The following ITPR1 variants were observed in gnomAD, a reference collection of about 807,000 sequenced individuals.
ITPR1 encodes inositol 1,4,5-trisphosphate receptor type 1, also known as inositol 1,4,5-trisphosphate-gated calcium channel ITPR1.
ITPR1 carries 96 observed loss-of-function variants against 318.4 expected under a neutral mutation model. That is an observed-to-expected ratio of 0.30 (90% CI 0.26 to 0.36). The LOEUF is 0.36. ITPR1 is among the 10% of genes least tolerant of loss of function. The probability of loss-of-function intolerance (pLI) is 1.00; values close to 1 mark genes in which losing one functional copy is unlikely to be tolerated. For missense variants in ITPR1, 2,440 were observed against 3,460.2 expected (o/e 0.71, Z 7.40); for synonymous variants, 1,312 against 1,289.9 (o/e 1.02, Z -0.37).
At chr3:4,520,873 A>T (rs1003908295) in intron 3 of ITPR1, 151 bp from the exon 4 acceptor site, 1 of 664,028 alleles carries the variant, frequency 1.5e-6, no homozygotes, top group African/African-American at 1.8e-5. Context: ...AGATCCATGC[A>T]TAGGAAGCCT....
rs145491425 is a variant in ITPR1, at chr3:4,695,639, C to A, written c.4282-1508C>A. Among the ~76,000 whole-genome samples, 7 of 152,280 alleles carry A rather than the reference C, an allele frequency of 4.6e-5. No homozygotes were observed. In the East Asian group the frequency reaches 1.4e-3, roughly 29 times the overall value. On this transcript the variant is annotated intron_variant, in intron 33 of 61. Transcript: ENST00000649015. ...TTGCTTTTCTGTATACATCCCTCAACAATATAGTTTAGTTTTGTGAGGTTT... is the reference window on the plus strand; with the variant it reads ...TTGCTTTTCTGTATACATCCCTCAAAAATATAGTTTAGTTTTGTGAGGTTT...
chr3:4,523,667 T>A (rs533187402), intron 4 of ITPR1, among the ~76,000 whole-genome samples: 2 of 152,318 alleles, frequency 1.3e-5, no homozygotes, highest in African/African-American at 4.8e-5. Context: ...AGCAAGATCA[T>A]GTGGTATTCG....
At chr3:4,733,036 T>C (rs1405994331) in intron 42 of ITPR1, 52 bp from the exon 43 acceptor site, 2 of 1,575,934 alleles carry the variant, frequency 1.3e-6, no homozygotes, top group East Asian at 2.3e-5. Flanking sequence ...TATTCGTCCC[T>C]CGGTGATGCA....
rs118066303 is a variant in ITPR1, at chr3:4,508,171, C to A, written c.-16-8305C>A. The stretch of plus-strand genomic sequence containing the variant: ...CTGTCAGTGGGACTACCCTGCCACC[C>A]GATTACTGAAAGTCAGACTGTTCAG... On this transcript the variant is annotated intron_variant, in intron 2 of 61. Transcript: ENST00000649015. Among the ~76,000 whole-genome samples, 271 of 152,204 alleles carry A rather than the reference C, an allele frequency of 1.8e-3. 4 individuals carry two copies. In the East Asian group the frequency reaches 0.044, roughly 25 times the overall value.
Position 4,653,904 on chromosome 3 carries a change from C to A in ITPR1, c.996+18C>A, listed in dbSNP as rs1231670991. 1.9e-6 allele frequency: 3 copies of A among 1,579,342 alleles called. No homozygotes were observed. Among genetic ancestry groups the A allele is most frequent in the Non-Finnish European group, 2.6e-6 (3 of 1,150,772 alleles). On this transcript the variant is annotated intron_variant, in intron 12 of 61. Coordinates refer to ENST00000649015, the MANE Select transcript of ITPR1 (RefSeq NM_001378452.1). Reference sequence around the variant, plus strand: ...AGCCCTCAGTAAGTATGGACAAGAGCCTTCTTGTCTTCATCTGGTAGGGTG... The same window carrying A: ...AGCCCTCAGTAAGTATGGACAAGAGACTTCTTGTCTTCATCTGGTAGGGTG...
intron 4 of ITPR1, among the ~76,000 whole-genome samples, chr3:4,529,417 T>C (rs2083237864): frequency 1.3e-5 from 2 of 152,244 alleles, no homozygotes; most frequent in South Asian, 2.1e-4. Context: ...CATATTGTTA[T>C]ATGGTTCTCC....
intron 60 of ITPR1, among the ~76,000 whole-genome samples, chr3:4,821,561 A>G (rs562177276): frequency 1.3e-5 from 2 of 152,220 alleles, no homozygotes; most frequent in Non-Finnish European, 2.9e-5. Context: ...ACTTGGAAAG[A>G]ATGACATTTG....
chr3:4,552,979 T>A (rs2085722338), intron 4 of ITPR1, among the ~76,000 whole-genome samples: 5 of 152,196 alleles, frequency 3.3e-5, no homozygotes, highest in Admixed American at 3.3e-4. Context: ...TGCTAGATTG[T>A]GGGTAGGGAC....
intron 4 of ITPR1, among the ~76,000 whole-genome samples, chr3:4,542,426 T>G (rs922478514): frequency 2.6e-5 from 4 of 152,218 alleles, no homozygotes; most frequent in African/African-American, 9.6e-5. Flanking sequence ...TCAAGACTAT[T>G]TAAATCAAAT....
intron 2 of ITPR1, among the ~76,000 whole-genome samples, chr3:4,503,252 A>T (rs1033496101): frequency 2.0e-5 from 3 of 152,110 alleles, no homozygotes; most frequent in African/African-American, 7.2e-5. Flanking sequence ...GAGTGGAAAA[A>T]TCAGGTAGTG....
intron 16 of ITPR1, among the ~76,000 whole-genome samples, chr3:4,664,816 T>C (rs1291334153): frequency 6.6e-6 from 1 of 152,264 alleles, no homozygotes; most frequent in Non-Finnish European, 1.5e-5. Flanking sequence ...TTACTTTGAC[T>C]GTAATCTGTA....
intron 40 of ITPR1, among the ~76,000 whole-genome samples, chr3:4,718,168 T>C (rs1477381254): frequency 6.6e-5 from 10 of 152,248 alleles, no homozygotes; most frequent in Admixed American, 6.5e-4. Flanking sequence ...GCTGTATTTT[T>C]AGGTTGTGAC....
At chr3:4,534,661 G>A (rs564342304) in intron 4 of ITPR1, among the ~76,000 whole-genome samples, 3 of 152,224 alleles carry the variant, frequency 2.0e-5, no homozygotes, top group Admixed American at 2.0e-4. Flanking sequence ...GTATTTTTCC[G>A]GGTACATTTG....
intron 30 of ITPR1, among the ~76,000 whole-genome samples, chr3:4,686,847 T>A (rs1306786114): frequency 1.3e-5 from 2 of 152,222 alleles, no homozygotes; most frequent in African/African-American, 4.8e-5. Context: ...TGGAACTGTT[T>A]AAGGTTACAG....
chr3:4,576,210 G>A (rs2088640422), intron 4 of ITPR1, among the ~76,000 whole-genome samples: 1 of 152,204 alleles, frequency 6.6e-6, no homozygotes, highest in East Asian at 1.9e-4. Context: ...GCTCATAGAA[G>A]GAACTGATGA....
intron 59 of ITPR1, among the ~76,000 whole-genome samples, chr3:4,816,755 T>C (rs1253799800): frequency 1.3e-5 from 2 of 152,224 alleles, no homozygotes; most frequent in Non-Finnish European, 2.9e-5. Context: ...CTCCATAAAG[T>C]TACTTTTTTG....
In ITPR1 at chr3:4,632,331, T is replaced by C. The variant is rs1575812352; in HGVS notation, c.279+4453T>C. Among the ~76,000 whole-genome samples the C allele has an allele frequency of 2.0e-5, 3 of 152,238 alleles. No individual in the cohort carries two copies. In the South Asian group the frequency reaches 6.2e-4, roughly 31 times the overall value. ...GAGATCTTATTAATACATCTCCAACTCTTTCCTCTCCTATACTTTTTACCA... is the reference window on the plus strand; with the variant it reads ...GAGATCTTATTAATACATCTCCAACCCTTTCCTCTCCTATACTTTTTACCA... On this transcript the variant is annotated intron_variant, in intron 5 of 61. Transcript: ENST00000649015.
At chr3:4,725,320 C>T (rs2042431008) in intron 40 of ITPR1, among the ~76,000 whole-genome samples, 1 of 151,990 alleles carries the variant, frequency 6.6e-6, no homozygotes, top group Admixed American at 6.6e-5. Context: ...ATGTGTTCCC[C>T]CATCGCAGGT....
chr3:4,715,501 G>A (rs1158234149), intron 39 of ITPR1, among the ~76,000 whole-genome samples: 1 of 152,180 alleles, frequency 6.6e-6, no homozygotes, highest in Non-Finnish European at 1.5e-5. Context: ...TCAGACTAGT[G>A]AGTAGCAAGT....
Sources: allele counts gnomAD v4.1 joint callset (sites outside exome capture counted in the v4.1 genomes callset), GRCh38; gene constraint gnomAD v4.1.1; transcripts MANE v1.5; gene names NCBI Gene and HGNC (gene_info 2026-07-23, HGNC 2026-07-21).